Variants in SEMA3A observed in about 807,000 individuals in gnomAD.
SEMA3A encodes semaphorin-3A.
SEMA3A carries 29 observed loss-of-function variants against 97.9 expected under a neutral mutation model. That is an observed-to-expected ratio of 0.30 (90% CI 0.22 to 0.40). SEMA3A has a LOEUF of 0.40. Among genes scored for constraint, SEMA3A ranks in the 10% least tolerant of loss-of-function variants. The pLI, the probability that SEMA3A is intolerant of heterozygous loss-of-function variation, is 1.00. For missense variants in SEMA3A, 763 were observed against 951.3 expected (o/e 0.80, Z 2.60); for synonymous variants, 321 against 323.7 (o/e 0.99, Z 0.09).
At chr7:84,419,048 A>G (rs1165731290) in intron 1 of SEMA3A, among the ~76,000 whole-genome samples, 1 of 151,730 alleles carries the variant, frequency 6.6e-6, no homozygotes, top group Non-Finnish European at 1.5e-5. Context: ...TTTCTCTTTC[A>G]TGTTATATAG....
chr7:84,002,184 A>G, intron 11 of SEMA3A, 138 bp from the exon 12 acceptor site: 1 of 569,628 alleles, frequency 1.8e-6, no homozygotes, highest in East Asian at 2.9e-5. Flanking sequence ...TGGTCAAAAC[A>G]TGAGTAAAAT....
chr7:84,054,656 C>T (rs535548570), intron 5 of SEMA3A, among the ~76,000 whole-genome samples: 6,098 of 137,818 alleles, frequency 0.044, 123 homozygotes, highest in Middle Eastern at 0.069. Context: ...TGAATGTCCT[C>T]CCGTAGCTCA....
chr7:84,151,946 C>T (rs1211185558), intron 1 of SEMA3A, among the ~76,000 whole-genome samples: 3 of 151,966 alleles, frequency 2.0e-5, no homozygotes, highest in Non-Finnish European at 4.4e-5. Context: ...AAAAAATGCT[C>T]ACCATCACTG....
chr7:84,003,789 C>T (rs1790552885), intron 11 of SEMA3A, among the ~76,000 whole-genome samples: 1 of 151,880 alleles, frequency 6.6e-6, no homozygotes, highest in Non-Finnish European at 1.5e-5. Flanking sequence ...TAATATTTAC[C>T]CAAGAGAAAT....
chr7:84,217,946 G>A (rs1409950271), intron 3 of SEMA3A, among the ~76,000 whole-genome samples: 5 of 151,802 alleles, frequency 3.3e-5, no homozygotes, highest in Non-Finnish European at 7.4e-5. Flanking sequence ...ATTAGCTAGT[G>A]TGTTGGTATG....
chr7:84,484,055 A>AG lies in SEMA3A; in HGVS notation c.-246+8404_-246+8405insC, dbSNP rs1384482238. The stretch of plus-strand genomic sequence containing the variant: ...GTGAAACTCTGTCTCAAAAAAAAGA[A>AG]AAAAAAAAAAAGAAAAAATCTGGGT... On this transcript the variant is annotated intron_variant, in intron 1 of 3. Coordinates refer to the SEMA3A transcript ENST00000424555. Among the ~76,000 whole-genome samples, 643 of 138,496 alleles carry AG rather than the reference A, an allele frequency of 4.6e-3. 9 individuals are homozygous for AG. Among genetic ancestry groups the AG allele is most frequent in the African/African-American group, 0.015 (585 of 39,498 alleles). 90.9% of individuals were successfully genotyped at this position (138,496 alleles called of 152,430 possible).
chr7:84,328,528 T>C lies in SEMA3A; in HGVS notation c.-168-21236A>G, dbSNP rs145988105. Among the ~76,000 whole-genome samples, 81 of 152,148 alleles carry C rather than the reference T, an allele frequency of 5.3e-4. 2 individuals carry two copies. In the East Asian group the frequency reaches 0.015, roughly 29 times the overall value. On this transcript the variant is annotated intron_variant, in intron 2 of 3. Transcript: ENST00000424555. ...ATATCTTTGAAAAACGCAATGTTGC[T>C]TGTAATGCATAAAATATTTGAAAGC...
intron 1 of SEMA3A, among the ~76,000 whole-genome samples, chr7:84,149,364 G>A (rs145463992): frequency 6.6e-6 from 1 of 152,150 alleles, no homozygotes; most frequent in East Asian, 1.9e-4. Context: ...TAAGATTGAA[G>A]TTAAATATTA....
At chr7:84,136,652 T>C (rs1289807773) in intron 1 of SEMA3A, among the ~76,000 whole-genome samples, 1 of 152,188 alleles carries the variant, frequency 6.6e-6, no homozygotes, top group African/African-American at 2.4e-5. Flanking sequence ...TGTCAATTAT[T>C]GCAATCTTAT....
intron 1 of SEMA3A, among the ~76,000 whole-genome samples, chr7:84,446,890 C>T (rs1805427118): frequency 6.6e-6 from 1 of 152,034 alleles, no homozygotes; most frequent in Admixed American, 6.5e-5. Context: ...GGGAGCCCCA[C>T]CTGCTTTTAA....
In SEMA3A at chr7:84,033,986, A is replaced by AT. The variant is rs35107072; in HGVS notation, c.667+12337dup. On this transcript the variant is annotated intron_variant, in intron 6 of 16. Transcript: ENST00000265362. ...CAACTTTGGCAATTTTTTGTTTTTA[A>AT]TTTTTTTTTTTTTCCTAGGCAGAGT... Among the ~76,000 whole-genome samples the AT allele has an allele frequency of 2.1e-3, 308 of 147,772 alleles. 2 individuals are homozygous for AT. The highest frequency in any genetic ancestry group is 0.015 in the East Asian group (77 of 5,004).
intron 1 of SEMA3A, among the ~76,000 whole-genome samples, chr7:84,441,493 T>G (rs1452114091): frequency 2.0e-5 from 3 of 151,912 alleles, no homozygotes; most frequent in Admixed American, 2.0e-4. Flanking sequence ...TCAGAAATTT[T>G]TTGGTATAAG....
intron 1 of SEMA3A, among the ~76,000 whole-genome samples, chr7:84,481,788 TTTTAATTA>T (rs1806453248): frequency 6.6e-6 from 1 of 151,918 alleles, no homozygotes; most frequent in South Asian, 2.1e-4. Context: ...AAGAAATGAA[TTTTAATTA>T]TTTAATTTGT....
At chr7:84,213,500 G>C (rs1251375484) in intron 3 of SEMA3A, among the ~76,000 whole-genome samples, 1 of 152,028 alleles carries the variant, frequency 6.6e-6, no homozygotes, top group East Asian at 1.9e-4. Context: ...GCCCAGATTG[G>C]TCTTGAACTC....
At chr7:84,409,981 T>C (rs936365426) in intron 1 of SEMA3A, among the ~76,000 whole-genome samples, 11 of 152,228 alleles carry the variant, frequency 7.2e-5, no homozygotes, top group African/African-American at 2.6e-4. Flanking sequence ...AGCTTTCATT[T>C]TTGTTATTTG....
intron 1 of SEMA3A, among the ~76,000 whole-genome samples, chr7:84,152,432 T>G (rs28895680): frequency 0.091 from 12,937 of 142,490 alleles, 853 homozygotes; most frequent in East Asian, 0.18. Context: ...CTCAGTAAAC[T>G]GTCGCAAGAA....
intron 1 of SEMA3A, among the ~76,000 whole-genome samples, chr7:84,191,462 T>C (rs1395681108): frequency 6.6e-6 from 1 of 151,716 alleles, no homozygotes; most frequent in Non-Finnish European, 1.5e-5. Context: ...TGATGGAATA[T>C]TTGTCATTTG....
intron 1 of SEMA3A, among the ~76,000 whole-genome samples, chr7:84,185,333 G>C (rs533289484): frequency 7.2e-5 from 11 of 151,968 alleles, no homozygotes; most frequent in African/African-American, 2.7e-4. Flanking sequence ...TTCCAGACTT[G>C]TTGTGAAGAC....
intron 16 of SEMA3A, among the ~76,000 whole-genome samples, chr7:83,962,720 T>C (rs1418727489): frequency 6.6e-6 from 1 of 152,162 alleles, no homozygotes; most frequent in East Asian, 1.9e-4. Flanking sequence ...GCATCAATAG[T>C]TGATATCAGA....
Sources: allele counts gnomAD v4.1 joint callset (sites outside exome capture counted in the v4.1 genomes callset), GRCh38; gene constraint gnomAD v4.1.1; transcripts MANE v1.5; gene names NCBI Gene and HGNC (gene_info 2026-07-23, HGNC 2026-07-21).